The following CDHR1 variants were observed in gnomAD, a reference collection of about 807,000 sequenced individuals.
CDHR1 encodes cadherin-related family member 1.
In CDHR1, 61 loss-of-function variants were observed where a neutral mutation model predicts 72.1. The ratio of observed to expected loss-of-function variants is 0.85; its 90% confidence interval spans 0.69 to 1.05. The LOEUF (loss-of-function observed/expected upper bound fraction) is 1.05, where lower values mean the gene tolerates loss of function less well. Among genes scored for constraint, CDHR1 ranks in the 50% least tolerant of loss-of-function variants. The probability of loss-of-function intolerance (pLI) is 0.00; values close to 1 mark genes in which losing one functional copy is unlikely to be tolerated. For missense variants in CDHR1, 1,186 were observed against 1,115.7 expected, an observed-to-expected ratio of 1.06 and a Z score of -0.90; for synonymous variants, 470 against 448.1, an observed-to-expected ratio of 1.05 and a Z score of -0.62.
Position 84,216,503 on chromosome 10 carries a change from A to AAT in CDHR1, c.*1884_*1885dup. 1.0e-6 allele frequency: 1 copy of AAT among 985,526 alleles called. No homozygotes were observed. Among genetic ancestry groups the AAT allele is most frequent in the Non-Finnish European group, 1.2e-6 (1 of 829,978 alleles). 61.0% of individuals were successfully genotyped at this position (985,526 alleles called of 1,614,324 possible). Reference sequence around the variant, plus strand: ...CAATCAACCTCTTTTGTAAATGGAAAATAAAGTCTGTTACCCAAAGGCCAT... The same window carrying AAT: ...CAATCAACCTCTTTTGTAAATGGAAAATATAAAGTCTGTTACCCAAAGGCCAT... On this transcript the variant is annotated 3_prime_UTR_variant, in exon 17 of 17. Transcript: ENST00000623527.
chr10:84,212,959 C>A, intron 15 of CDHR1, 132 bp from the exon 16 acceptor site: 1 of 1,201,214 alleles, frequency 8.3e-7, no homozygotes, highest in Non-Finnish European at 1.2e-6. Context: ...CCTTTCCCAA[C>A]TCAATCCTCT....
At position 84,214,660 on chromosome 10, in the gene CDHR1, ACC is replaced by A. The variant is rs1223706837; in HGVS notation, c.*43_*44del. ...ACCCCCCATCTTTCCTCCGCCCCTG[ACC>A]CCCACCACCCTGCTGCTCGGACTAT... On this transcript the variant is annotated 3_prime_UTR_variant, in exon 17 of 17. Coordinates refer to ENST00000623527, the MANE Select transcript of CDHR1 (RefSeq NM_033100.4). 3.2e-6 allele frequency: 5 copies of A among 1,570,362 alleles called. No individual in the cohort carries two copies. The highest frequency in any genetic ancestry group is 4.3e-6 in the Non-Finnish European group (5 of 1,155,526).
intron 6 of CDHR1, among the ~76,000 whole-genome samples, chr10:84,200,905 C>G (rs1443061974): frequency 2.0e-5 from 3 of 152,212 alleles, no homozygotes; most frequent in Admixed American, 2.0e-4. Flanking sequence ...TGTCCCCTCC[C>G]TCTTCCAACG....
chr10:84,194,631 C>CCCA lies in CDHR1; in HGVS notation c.-128_-127insACC. On this transcript the variant is annotated 5_prime_UTR_variant, in exon 1 of 17. Transcript: ENST00000623527. ...CCACCCGCCGCTCCCGCCCCGTGCC[C>CCCA]CCTCCCGCCGCGGCTGCAGTCGCCG... 1.6e-6 allele frequency: 1 copy of CCCA among 631,818 alleles called. No individual in the cohort carries two copies. The highest frequency in any genetic ancestry group is 2.4e-6 in the Non-Finnish European group (1 of 414,822). The allele number at this position is 631,818 out of a possible 1,614,324, so 39.1% of individuals were successfully genotyped here.
At chr10:84,212,114 C>CATGTGTATGTATGCACAT in intron 14 of CDHR1, 65 bp from the exon 15 acceptor site, 2 of 1,362,184 alleles carry the variant, frequency 1.5e-6, no homozygotes, top group Non-Finnish European at 2.1e-6. Context: ...TTATTGCAGG[C>CATGTGTATGTATGCACAT]ATGTGTATGT....
At chr10:84,219,216 C>T, downstream of CDHR1, 1 of 1,550,892 alleles carries the variant, frequency 6.4e-7, no homozygotes, top group Non-Finnish European at 8.7e-7. Flanking sequence ...TTGCCTTATT[C>T]AATCTGAGTA....
rs1589307249 is a variant in CDHR1, at chr10:84,212,182, C to T, written c.1557C>T (p.Phe519=). ...GCCTATGTGCTCTGCCTGGCAGCTT[C>T]CTGATCCACCCATCCACTGGGCTTA... ...YSTYGTGADL[F]LIHPSTGLIY... Residue 519 remains phenylalanine, a synonymous_variant, in exon 15 of 17, where the codon TTC becomes TTT. Coordinates refer to ENST00000623527, the MANE Select transcript of CDHR1 (RefSeq NM_033100.4). The T allele has an allele frequency of 8.1e-6, 13 of 1,613,822 alleles. No homozygotes were observed. The highest frequency in any genetic ancestry group is 1.0e-5 in the Non-Finnish European group (12 of 1,179,942).
chr10:84,204,010 G>C (rs1183193969), intron 8 of CDHR1, among the ~76,000 whole-genome samples: 1 of 152,134 alleles, frequency 6.6e-6, no homozygotes, highest in Non-Finnish European at 1.5e-5. Flanking sequence ...ACAGGCAGAA[G>C]TCAAGCAAGA....
chr10:84,208,981 C>T lies in CDHR1; in HGVS notation c.1320+100C>T, dbSNP rs929154784. On this transcript the variant is annotated intron_variant, in intron 12 of 16. Coordinates refer to ENST00000623527, the MANE Select transcript of CDHR1 (RefSeq NM_033100.4). ...TGAGGGGTCTCTTGTCACTCTCTGCCCTTCCTGGCCCTACTCTTTTCTTCT... is the reference window on the plus strand; with the variant it reads ...TGAGGGGTCTCTTGTCACTCTCTGCTCTTCCTGGCCCTACTCTTTTCTTCT... 3.1e-5 allele frequency: 38 copies of T among 1,244,950 alleles called. No individual in the cohort carries two copies. The African/African-American group carries it at 5.2e-4, about 17-fold the overall frequency. 77.1% of individuals were successfully genotyped at this position (1,244,950 alleles called of 1,614,324 possible).
chr10:84,211,739 C>T, intron 14 of CDHR1, 24 bp downstream of exon 14: 6 of 1,601,962 alleles, frequency 3.7e-6, no homozygotes, highest in South Asian at 3.3e-5. Context: ...GAATCCAGGA[C>T]AGGGCCTTGG....
At position 84,216,654 on chromosome 10, in the gene CDHR1, A is replaced by G. The variant is rs1300510010; in HGVS notation, c.*2033A>G. The stretch of plus-strand genomic sequence containing the variant: ...CAGGTGGATCCATTCTTCGACCCCC[A>G]GATGTGACTCTAAAGAAGGCTGAAA... On this transcript the variant is annotated 3_prime_UTR_variant, in exon 17 of 17. Transcript: ENST00000623527. The G allele has an allele frequency of 1.3e-5, 13 of 985,362 alleles. No individual in the cohort carries two copies. Among genetic ancestry groups the G allele is most frequent in the Non-Finnish European group, 1.6e-5 (13 of 829,948 alleles). The allele number at this position is 985,362 out of a possible 1,614,324, so 61.0% of individuals were successfully genotyped here.
chr10:84,196,208 A>G (rs1842027238), intron 2 of CDHR1, among the ~76,000 whole-genome samples: 1 of 152,192 alleles, frequency 6.6e-6, no homozygotes, highest in Admixed American at 6.5e-5. Flanking sequence ...GCTGAGCAGA[A>G]CATAGGCACT....
At chr10:84,198,927 GA>G in intron 4 of CDHR1, 104 bp from the exon 5 acceptor site, 1 of 800,120 alleles carries the variant, frequency 1.2e-6, no homozygotes. Context: ...AGAGAGAGAG[GA>G]GGGATGGGCA....
intron 7 of CDHR1, among the ~76,000 whole-genome samples, chr10:84,202,481 C>T (rs557947017): frequency 9.8e-5 from 15 of 152,342 alleles, no homozygotes; most frequent in African/African-American, 3.6e-4. Context: ...CCCTGCTGGT[C>T]ACAGCCTGGC....
At position 84,217,696 on chromosome 10, in the gene CDHR1, T is replaced by G. The variant is rs1158040933; in HGVS notation, c.*3075T>G. The G allele has an allele frequency of 1.0e-6, 1 of 985,354 alleles. No individual in the cohort carries two copies. The highest frequency in any genetic ancestry group is 1.7e-5 in the African/African-American group (1 of 57,230). The allele number at this position is 985,354 out of a possible 1,614,324, so 61.0% of individuals were successfully genotyped here. Reference sequence around the variant, plus strand: ...GTCCTGAAAGAGAGGACCCCCTCCATGCATCCTCACCCCCCAGGATGTTTC... The same window carrying G: ...GTCCTGAAAGAGAGGACCCCCTCCAGGCATCCTCACCCCCCAGGATGTTTC... On this transcript the variant is annotated 3_prime_UTR_variant, in exon 17 of 17. Transcript: ENST00000623527.
intron 1 of CDHR1, 21 bp downstream of exon 1, chr10:84,194,836 G>T (rs1296061382): frequency 6.5e-6 from 10 of 1,532,574 alleles, no homozygotes; most frequent in Non-Finnish European, 8.7e-6. Context: ...GCTGGGCCGC[G>T]CTGGCCGCGT....
At chr10:84,201,702 T>C (rs989524248) in intron 6 of CDHR1, 105 bp from the exon 7 acceptor site, 3 of 870,792 alleles carry the variant, frequency 3.4e-6, no homozygotes, top group Non-Finnish European at 5.6e-6. Context: ...AGCCCTGAGG[T>C]CCTGTAATGA....
In CDHR1 at chr10:84,195,453, C is replaced by T. The variant is rs370958690; in HGVS notation, c.56-41C>T. 52 of 1,568,184 alleles carry T rather than the reference C, an allele frequency of 3.3e-5. No individual in the cohort carries two copies. In the African/African-American group the frequency reaches 6.9e-4, roughly 21 times the overall value. On this transcript the variant is annotated intron_variant, in intron 1 of 16. Coordinates refer to ENST00000623527, the MANE Select transcript of CDHR1 (RefSeq NM_033100.4). The stretch of plus-strand genomic sequence containing the variant: ...AAGCTCCCTCCTGGTGTCTGGGTGT[C>T]CTTTGCCTGGGTGTCCGTCTGTTCT...
chr10:84,198,808 ACAT>A (rs1319977754), intron 4 of CDHR1, among the ~76,000 whole-genome samples: 1 of 152,204 alleles, frequency 6.6e-6, no homozygotes, highest in African/African-American at 2.4e-5. Context: ...GCAAAATAAC[ACAT>A]CATCAGACAG....
Sources: gnomAD v4.1 joint callset for allele counts (sites outside exome capture counted in the v4.1 genomes callset) on GRCh38, gnomAD v4.1.1 for gene constraint, MANE v1.5 for transcripts, NCBI Gene and HGNC (gene_info 2026-07-23, HGNC 2026-07-21) for gene names.